GTF3C3: variants seen among roughly 807,000 people sequenced by gnomAD.
GTF3C3 encodes the protein general transcription factor IIIC subunit 3.
Under a neutral mutation model 105.2 loss-of-function variants are expected in GTF3C3, and 75 were observed. The observed-to-expected ratio is 0.71, with a 90% CI of 0.59 to 0.86. The LOEUF is 0.86. Ranked by LOEUF, GTF3C3 falls within the 40% of genes least tolerant of loss-of-function variation. The pLI, the probability that GTF3C3 is intolerant of heterozygous loss-of-function variation, is 0.00. For synonymous variants in GTF3C3, 335 were observed against 370.4 expected (o/e 0.90, Z 1.10); for missense variants, 856 against 1,076.5 (o/e 0.80, Z 2.87).
intron 13 of GTF3C3, 73 bp from the exon 14 acceptor site, chr2:196,773,226 C>G: frequency 3.5e-6 from 3 of 847,226 alleles, no homozygotes; most frequent in Non-Finnish European, 5.7e-6. Flanking sequence ...AAATTCACAT[C>G]ATCAATTTTA....
rs1238454221 is a variant in GTF3C3, at chr2:196,786,352, C to G, written c.894-764G>C. Among the ~76,000 whole-genome samples, 3 of 152,174 alleles carry G rather than the reference C, an allele frequency of 2.0e-5. No homozygotes were observed. The highest frequency in any genetic ancestry group is 4.4e-5 in the Non-Finnish European group (3 of 68,018). ...ATGTCCTAGACAACTATTGACATCT[C>G]TCTCTTTTCAAACCTCCAGCAGTCT... On this transcript the variant is annotated intron_variant, in intron 6 of 17. Coordinates refer to ENST00000263956, the MANE Select transcript of GTF3C3 (RefSeq NM_012086.5). The surrounding 1 kb of genome is among the most constrained non-coding windows in gnomAD (Gnocchi z 4.2).
At chr2:196,791,511 T>C in intron 3 of GTF3C3, 51 bp from the exon 4 acceptor site, 1 of 1,491,648 alleles carries the variant, frequency 6.7e-7, no homozygotes, top group Non-Finnish European at 9.2e-7. Flanking sequence ...AAGTCTTAGA[T>C]TTCAATTCCA....
At chr2:196,771,647 T>C (rs1699177891) in intron 15 of GTF3C3, 101 bp downstream of exon 15, 2 of 713,678 alleles carry the variant, frequency 2.8e-6, no homozygotes, top group Non-Finnish European at 4.8e-6. Flanking sequence ...GAATAATTTG[T>C]CACAGTGAGG....
rs529257905 is a variant in GTF3C3, at chr2:196,773,316, C to T, written c.1832-163G>A. Among the ~76,000 whole-genome samples, 6 of 152,328 alleles carry T rather than the reference C, an allele frequency of 3.9e-5. No homozygotes were observed. In the South Asian group the frequency reaches 8.3e-4, roughly 21 times the overall value. ...ATGAGAAGGGGTAGTTGCTTGCTTA[C>T]ACTCCTTCAATACTATCCGCTTCTT... On this transcript the variant is annotated intron_variant, in intron 13 of 17. Transcript: ENST00000263956.
chr2:196,793,184 G>A, intron 2 of GTF3C3, 32 bp from the exon 3 acceptor site: 2 of 1,433,790 alleles, frequency 1.4e-6, no homozygotes, highest in Admixed American at 2.1e-5. Flanking sequence ...GGGGAGGGGT[G>A]GGGAAGCTGC....
intron 10 of GTF3C3, chr2:196,777,989 T>A (rs1229053938): frequency 6.6e-6 from 1 of 152,220 alleles, no homozygotes; most frequent in Non-Finnish European, 1.5e-5. Context: ...ACATTTGTAT[T>A]CATATTTATT....
Position 196,769,905 on chromosome 2 carries a change from A to T in GTF3C3, c.2385+10T>A. 1 of 1,600,698 alleles carries T rather than the reference A, an allele frequency of 6.2e-7. No individual in the cohort carries two copies. Among genetic ancestry groups the T allele is most frequent in the East Asian group, 2.2e-5 (1 of 44,686 alleles). Reference sequence around the variant, plus strand: ...ATAAAATCAAGTAACGAGAAATTTGAATGAATTACCTGTACAATAAGAGCA... The same window carrying T: ...ATAAAATCAAGTAACGAGAAATTTGTATGAATTACCTGTACAATAAGAGCA... On this transcript the variant is annotated intron_variant, in intron 16 of 17. Transcript: ENST00000263956.
Position 196,786,767 on chromosome 2 carries a change from C to T in GTF3C3, c.894-1179G>A, listed in dbSNP as rs150853231. On this transcript the variant is annotated intron_variant, in intron 6 of 17. Transcript: ENST00000263956. The surrounding 1 kb of genome is among the most constrained non-coding windows in gnomAD (Gnocchi z 4.2). ...CCCCAAAGTTGTCCATCCCCCATACCGTCTCCAATGCCTCTTTCCATTCTC... is the reference window on the plus strand; with the variant it reads ...CCCCAAAGTTGTCCATCCCCCATACTGTCTCCAATGCCTCTTTCCATTCTC... 4.6e-5 allele frequency among the ~76,000 whole-genome samples: 7 copies of T among 152,108 alleles called. No homozygotes were observed. The highest frequency in any genetic ancestry group is 9.6e-5 in the African/African-American group (4 of 41,510).
chr2:196,798,658 T>C (rs1699691701), intron 1 of GTF3C3, among the ~76,000 whole-genome samples: 1 of 151,972 alleles, frequency 6.6e-6, no homozygotes. Flanking sequence ...GGTCAGGAGT[T>C]TGAGACCATC....
rs1699334044 is a variant in GTF3C3, at chr2:196,780,647, G to T, written c.1130C>A (p.Thr377Asn). 1.2e-6 allele frequency: 2 copies of T among 1,611,534 alleles called. No homozygotes were observed. Among genetic ancestry groups the T allele is most frequent in the Non-Finnish European group, 1.7e-6 (2 of 1,178,244 alleles). ...SEENKAPENV[T>N]CTIPDGVPID... ...TGGCACGCCATCAGGTATAGTGCAG[G>T]TAACATTCTCAGGAGCTGGAGAATA... is the stretch of plus-strand genomic sequence containing the variant. The change falls in exon 9 of 18, where the codon ACC (threonine) becomes AAC (asparagine). Residue 377 changes from threonine to asparagine, a missense_variant. Transcript: ENST00000263956.
At chr2:196,796,663 G>A (rs955275260) in intron 2 of GTF3C3, among the ~76,000 whole-genome samples, 6 of 151,974 alleles carry the variant, frequency 3.9e-5, no homozygotes, top group East Asian at 1.9e-4. Context: ...TCTCCCTCCC[G>A]CAACACCCCT....
At chr2:196,772,489 G>A (rs185299432) in intron 14 of GTF3C3, among the ~76,000 whole-genome samples, 123 of 152,108 alleles carry the variant, frequency 8.1e-4, no homozygotes, top group African/African-American at 2.5e-3. Flanking sequence ...CGGAGGTTGC[G>A]GTGAGCCGAG....
chr2:196,799,650 C>T lies in GTF3C3; in HGVS notation c.-39G>A. 2 of 1,449,918 alleles carry T rather than the reference C, an allele frequency of 1.4e-6. No individual in the cohort carries two copies. The highest frequency in any genetic ancestry group is 1.9e-6 in the Non-Finnish European group (2 of 1,031,800). 89.8% of individuals were successfully genotyped at this position (1,449,918 alleles called of 1,614,324 possible). On this transcript the variant is annotated 5_prime_UTR_variant, in exon 1 of 18. Transcript: ENST00000263956. ...GTCTGTGCAACCCCAGGAACCGGGA[C>T]AGAGAACCGGAAGAGCAGCGCCTTC...
chr2:196,791,723 G>A (rs1699552556), intron 3 of GTF3C3: 1 of 302,548 alleles, frequency 3.3e-6, no homozygotes, highest in Non-Finnish European at 6.3e-6. Context: ...ATCACCTGAG[G>A]CCAGGAGTTG....
chr2:196,780,776 G>C, intron 8 of GTF3C3, 114 bp from the exon 9 acceptor site: 1 of 1,294,042 alleles, frequency 7.7e-7, no homozygotes, highest in Non-Finnish European at 1.0e-6. Flanking sequence ...TCAATTCTTA[G>C]TGTGGCCAAC....
chr2:196,795,709 A>G (rs1195918474), intron 2 of GTF3C3, among the ~76,000 whole-genome samples: 1 of 152,230 alleles, frequency 6.6e-6, no homozygotes, highest in Non-Finnish European at 1.5e-5. Context: ...AACACAGTTG[A>G]TGGTGAATTA....
chr2:196,766,648 G>A lies in GTF3C3; in HGVS notation c.2455C>T (p.Arg819Cys), dbSNP rs749260801. 1.4e-5 allele frequency: 23 copies of A among 1,613,420 alleles called. No individual in the cohort carries two copies. Among genetic ancestry groups the A allele is most frequent in the East Asian group, 2.2e-5 (1 of 44,874 alleles). The part of the protein sequence containing the change: ...PCQESFYNLG[R>C]GLHQLGLIHL... ...ATCAGCCCCAACTGATGAAGGCCAC[G>A]GCCCAAATTGTAGAATGATTCCTGG... Residue 819 changes from arginine to cysteine, a missense_variant, in exon 17 of 18, where the codon CGT becomes TGT. Around this residue, in one of 3 missense-constraint regions of GTF3C3, gnomAD observed 134 missense variants for 128.9 expected, o/e 1.04. Coordinates refer to ENST00000263956, the MANE Select transcript of GTF3C3 (RefSeq NM_012086.5).
At chr2:196,781,958 T>A (rs182665827) in intron 8 of GTF3C3, among the ~76,000 whole-genome samples, 3 of 152,318 alleles carry the variant, frequency 2.0e-5, no homozygotes, top group Admixed American at 2.0e-4. Context: ...TAATGAGCCT[T>A]TTTCTTTACT....
chr2:196,785,409 A>C, intron 7 of GTF3C3, 32 bp downstream of exon 7: 1 of 1,304,632 alleles, frequency 7.7e-7, no homozygotes, highest in Non-Finnish European at 1.0e-6. Context: ...ACACATGCAA[A>C]ACTTAACAGA....
Sources: allele counts gnomAD v4.1 joint callset (sites outside exome capture counted in the v4.1 genomes callset), GRCh38; gene constraint gnomAD v4.1.1; regional missense constraint gnomAD v4.1.1; non-coding constraint Gnocchi (gnomAD v3.1); transcripts MANE v1.5; gene names NCBI Gene and HGNC (gene_info 2026-07-23, HGNC 2026-07-21).